RANBP17: variants seen among roughly 807,000 people sequenced by gnomAD.
The protein encoded by RANBP17 is ran-binding protein 17.
Under a neutral mutation model 141.2 loss-of-function variants are expected in RANBP17, and 158 were observed. The observed-to-expected ratio is 1.12, with a 90% CI of 0.98 to 1.28. The LOEUF is 1.28. RANBP17 is among the 50% of genes most tolerant of loss of function. The pLI is 0.00. For synonymous variants in RANBP17, 430 were observed against 450.0 expected (o/e 0.96, Z 0.56); for missense variants, 1,438 against 1,290.7 (o/e 1.11, Z -1.75).
chr5:170,920,385 G>A (rs1186056673), intron 11 of RANBP17, among the ~76,000 whole-genome samples: 1 of 151,986 alleles, frequency 6.6e-6, no homozygotes, highest in African/African-American at 2.4e-5. Context: ...GTACCTCATT[G>A]TGGTTTTCCC....
At chr5:171,109,058 C>T (rs1174491749) in intron 14 of RANBP17, among the ~76,000 whole-genome samples, 2 of 152,146 alleles carry the variant, frequency 1.3e-5, no homozygotes, top group Non-Finnish European at 2.9e-5. Context: ...ATGAATATGT[C>T]TGGTTACCAC....
chr5:171,123,289 G>A (rs1412174142), intron 14 of RANBP17, among the ~76,000 whole-genome samples: 10 of 152,154 alleles, frequency 6.6e-5, no homozygotes, highest in Admixed American at 5.9e-4. Context: ...GGACGTACCT[G>A]CCCTGCTCAC....
At chr5:170,903,968 G>A (rs576935894) in intron 5 of RANBP17, 17 of 486,152 alleles carry the variant, frequency 3.5e-5, no homozygotes, top group Admixed American at 9.8e-5. Context: ...ACACACTGGC[G>A]GATGTTAACA....
chr5:170,875,879 G>C (rs1768136144), intron 1 of RANBP17, among the ~76,000 whole-genome samples: 1 of 152,180 alleles, frequency 6.6e-6, no homozygotes, highest in South Asian at 2.1e-4. Context: ...ATCTTCATGA[G>C]TTTGTCTAGT....
intron 14 of RANBP17, among the ~76,000 whole-genome samples, chr5:171,165,535 G>A (rs1486714499): frequency 6.6e-6 from 1 of 152,076 alleles, no homozygotes; most frequent in African/African-American, 2.4e-5. Context: ...AAGATTCAGA[G>A]ACCTTAAGAA....
At chr5:171,075,608 T>C (rs930023470) in intron 14 of RANBP17, among the ~76,000 whole-genome samples, 14 of 152,122 alleles carry the variant, frequency 9.2e-5, no homozygotes, top group Non-Finnish European at 1.5e-5. Flanking sequence ...TGTTCTAAAA[T>C]TGATTGTGGT....
At chr5:170,928,259 A>C (rs1773085420) in intron 12 of RANBP17, among the ~76,000 whole-genome samples, 2 of 152,000 alleles carry the variant, frequency 1.3e-5, no homozygotes, top group Admixed American at 1.3e-4. Flanking sequence ...TTCTGTATAC[A>C]ATCTCTTTTT....
chr5:170,890,971 G>A (rs1470192025), intron 3 of RANBP17, among the ~76,000 whole-genome samples: 1 of 152,130 alleles, frequency 6.6e-6, no homozygotes, highest in Non-Finnish European at 1.5e-5. Context: ...GACTGTAGGC[G>A]CATGTCACAA....
chr5:171,033,277 C>T (rs1781664713), intron 14 of RANBP17, among the ~76,000 whole-genome samples: 2 of 152,104 alleles, frequency 1.3e-5, no homozygotes, highest in African/African-American at 2.4e-5. Flanking sequence ...TCTTCACGCT[C>T]TTCAGTTGAA....
chr5:171,290,983 A>G (rs1226367385), intron 25 of RANBP17, among the ~76,000 whole-genome samples: 2 of 152,246 alleles, frequency 1.3e-5, no homozygotes, highest in Admixed American at 6.5e-5. Flanking sequence ...ATGTAAAGAA[A>G]GAAAGGCTCA....
chr5:171,041,638 G>A (rs558733070), intron 14 of RANBP17, among the ~76,000 whole-genome samples: 2 of 152,236 alleles, frequency 1.3e-5, no homozygotes, highest in African/African-American at 2.4e-5. Context: ...AACCTGTACA[G>A]CATGTTACTA....
chr5:170,918,669 A>T (rs754048322), intron 9 of RANBP17, 44 bp from the exon 10 acceptor site: 4 of 1,532,454 alleles, frequency 2.6e-6, no homozygotes, highest in Non-Finnish European at 3.5e-6. Context: ...TATTGTCCAT[A>T]GGTTGGCTTG....
At chr5:171,002,203 G>T (rs1041605295) in intron 14 of RANBP17, among the ~76,000 whole-genome samples, 2 of 152,130 alleles carry the variant, frequency 1.3e-5, no homozygotes, top group African/African-American at 4.8e-5. Context: ...GGCCTGTGAG[G>T]CTGGAAGGAG....
At chr5:170,916,349 G>A (rs12109671) in intron 8 of RANBP17, 116 bp from the exon 9 acceptor site, 4,354 of 70,088 alleles carry the variant, frequency 0.062, 701 homozygotes, top group South Asian at 0.4. Context: ...ATTATAATGC[G>A]TTATATTCTA....
chr5:171,044,936 A>T (rs1032949723), intron 14 of RANBP17, among the ~76,000 whole-genome samples: 5 of 152,016 alleles, frequency 3.3e-5, no homozygotes, highest in Non-Finnish European at 5.9e-5. Flanking sequence ...CTGTATAAAC[A>T]CTATTGTGTA....
chr5:171,226,575 A>G (rs1195497504), intron 22 of RANBP17, among the ~76,000 whole-genome samples: 1 of 152,180 alleles, frequency 6.6e-6, no homozygotes, highest in Non-Finnish European at 1.5e-5. Flanking sequence ...AGCCACTGTT[A>G]TTCGTCACCA....
chr5:170,998,406 A>C (rs1778977602), intron 14 of RANBP17, among the ~76,000 whole-genome samples: 2 of 152,174 alleles, frequency 1.3e-5, no homozygotes, highest in Non-Finnish European at 2.9e-5. Flanking sequence ...CTTTTTAAAA[A>C]TTTATTTCAT....
chr5:171,034,312 A>G (rs543353426), intron 14 of RANBP17, among the ~76,000 whole-genome samples: 6 of 152,186 alleles, frequency 3.9e-5, no homozygotes, highest in African/African-American at 1.2e-4. Context: ...CCACTTACAC[A>G]TTACTCTTAG....
chr5:170,999,199 A>G (rs1477882070), intron 14 of RANBP17, among the ~76,000 whole-genome samples: 1 of 152,124 alleles, frequency 6.6e-6, no homozygotes, highest in African/African-American at 2.4e-5. Context: ...AGTGTTTGCA[A>G]TAATTAAATT....
Sources: gnomAD v4.1 joint callset for allele counts (sites outside exome capture counted in the v4.1 genomes callset) on GRCh38, gnomAD v4.1.1 for gene constraint, MANE v1.5 for transcripts, NCBI Gene and HGNC (gene_info 2026-07-23, HGNC 2026-07-21) for gene names.